ODAD2: variants seen among roughly 807,000 people sequenced by gnomAD.
ODAD2 encodes the protein outer dynein arm-docking complex subunit 2.
A neutral mutation model predicts 106.8 loss-of-function variants in ODAD2; 89 were observed. That is an observed-to-expected ratio of 0.83 (90% confidence interval 0.70 to 0.99). The LOEUF (loss-of-function observed/expected upper bound fraction) is 0.99. ODAD2 is among the 50% of genes least tolerant of loss of function. The pLI, the probability that ODAD2 is intolerant of heterozygous loss-of-function variation, is 0.00. For missense variants in ODAD2, 1,168 were observed against 1,238.5 expected, an observed-to-expected ratio of 0.94 and a Z score of 0.85; for synonymous variants, 404 against 436.2, an observed-to-expected ratio of 0.93 and a Z score of 0.92.
At chr10:27,961,487 T>G in intron 10 of ODAD2, 81 bp downstream of exon 10, 1 of 1,345,382 alleles carries the variant, frequency 7.4e-7, no homozygotes, top group Non-Finnish European at 1.0e-6. Context: ...AAACGTAAAG[T>G]AAACTTGGAA....
At chr10:27,894,780 G>A (rs1048027653) in intron 17 of ODAD2, among the ~76,000 whole-genome samples, 3 of 151,294 alleles carry the variant, frequency 2.0e-5, no homozygotes, top group Admixed American at 6.6e-5. Context: ...TCCCCCAGCT[G>A]ACCTCAAAAT....
At chr10:27,955,390 C>A (rs751908696) in intron 10 of ODAD2, among the ~76,000 whole-genome samples, 1 of 152,100 alleles carries the variant, frequency 6.6e-6, no homozygotes, top group Non-Finnish European at 1.5e-5. Flanking sequence ...ACAGCAAGTT[C>A]TGCAGGCCTC....
Position 27,995,042 on chromosome 10 carries a change from A to ATTTC in ODAD2, c.97_100dup (p.Ile34ArgfsTer12). ...GATAAAACTCTCCACAAACACAATA[A>ATTTC]TTTCTTTCAATATCGCTTCATTTAG... On this transcript the variant is annotated frameshift_variant, in exon 2 of 20. Transcript: ENST00000305242. LOFTEE classifies it high-confidence loss of function. 6.2e-7 allele frequency: 1 copy of ATTTC among 1,614,178 alleles called. No individual in the cohort carries two copies. Among genetic ancestry groups the ATTTC allele is most frequent in the South Asian group, 1.1e-5 (1 of 91,086 alleles).
intron 19 of ODAD2, among the ~76,000 whole-genome samples, chr10:27,844,741 CA>C (rs1838592581): frequency 6.6e-6 from 1 of 152,166 alleles, no homozygotes; most frequent in Admixed American, 6.5e-5. Context: ...GCTGAAAAAA[CA>C]AAAACGATAT....
At chr10:27,895,641 T>C (rs1434565362) in intron 17 of ODAD2, among the ~76,000 whole-genome samples, 2 of 152,228 alleles carry the variant, frequency 1.3e-5, no homozygotes, top group African/African-American at 4.8e-5. Context: ...TTGGCCCTAC[T>C]AGTCACATTC....
At chr10:27,829,031 G>A (rs1837279289) in intron 19 of ODAD2, among the ~76,000 whole-genome samples, 1 of 151,876 alleles carries the variant, frequency 6.6e-6, no homozygotes, top group Admixed American at 6.6e-5. Context: ...TACATGATGG[G>A]ATATAGAATT....
At chr10:27,939,788 A>G in intron 14 of ODAD2, 109 bp downstream of exon 14, 1 of 503,966 alleles carries the variant, frequency 2.0e-6, no homozygotes, top group Non-Finnish European at 3.4e-6. Flanking sequence ...AAATAAATAA[A>G]ATGCAGATTC....
chr10:27,886,699 T>A (rs1241604838), intron 17 of ODAD2, among the ~76,000 whole-genome samples: 1 of 152,076 alleles, frequency 6.6e-6, no homozygotes, highest in Admixed American at 6.6e-5. Context: ...TGCATGTCAA[T>A]GAGTATGCAA....
intron 7 of ODAD2, among the ~76,000 whole-genome samples, chr10:27,971,943 GT>G (rs776211645): frequency 6.6e-6 from 1 of 152,140 alleles, no homozygotes; most frequent in Non-Finnish European, 1.5e-5. Context: ...TCAGTCAGGA[GT>G]AATACCATGC....
At chr10:27,815,479 A>T in intron 19 of ODAD2, among the ~76,000 whole-genome samples, 1 of 152,174 alleles carries the variant, frequency 6.6e-6, no homozygotes, top group East Asian at 1.9e-4. Context: ...CCTCTGAAAT[A>T]ACCCTCTCAG....
At chr10:27,976,824 A>G (rs1849219817) in intron 7 of ODAD2, among the ~76,000 whole-genome samples, 1 of 152,226 alleles carries the variant, frequency 6.6e-6, no homozygotes, top group African/African-American at 2.4e-5. Flanking sequence ...TGGAGGATTT[A>G]AAATAAACAA....
At position 27,907,724 on chromosome 10, in the gene ODAD2, G is replaced by A. The variant is rs1295384886; in HGVS notation, c.2549C>T (p.Pro850Leu). 1.2e-6 allele frequency: 2 copies of A among 1,613,856 alleles called. No homozygotes were observed. Among genetic ancestry groups the A allele is most frequent in the Non-Finnish European group, 1.7e-6 (2 of 1,179,878 alleles). ...TGCGCTGGCCTTCACGTCTGGGTGA[G>A]GATTTTTCAGCAGGGACCACAACAA... ...VRLLWSLLKN[P>L]HPDVKASAAW... The change falls in exon 17 of 20, where the codon CCT becomes CTT. Residue 850 changes from proline (P) to leucine (L), a missense_variant. Transcript: ENST00000305242.
At chr10:27,818,749 T>G (rs1302147574) in intron 19 of ODAD2, among the ~76,000 whole-genome samples, 1 of 152,180 alleles carries the variant, frequency 6.6e-6, no homozygotes, top group Non-Finnish European at 1.5e-5. Flanking sequence ...GTCCTTGGCC[T>G]CCCCGCTCAT....
chr10:27,836,530 C>T (rs1837903484), intron 19 of ODAD2, among the ~76,000 whole-genome samples: 1 of 152,088 alleles, frequency 6.6e-6, no homozygotes, highest in Non-Finnish European at 1.5e-5. Flanking sequence ...TTGCAAAACT[C>T]ATCTAAATTT....
At chr10:27,813,544 T>G (rs1164893349) in intron 19 of ODAD2, 1 of 152,202 alleles carries the variant, frequency 6.6e-6, no homozygotes, top group Non-Finnish European at 1.5e-5. Context: ...TGGTAAAAGA[T>G]TTTTTAAAAG....
At chr10:27,859,366 T>A (rs1191632946) in intron 19 of ODAD2, among the ~76,000 whole-genome samples, 1 of 152,208 alleles carries the variant, frequency 6.6e-6, no homozygotes, top group East Asian at 1.9e-4. Flanking sequence ...CAAACATATA[T>A]TGAGTTTAAT....
chr10:27,868,553 C>G (rs1044228280), intron 17 of ODAD2, among the ~76,000 whole-genome samples: 5 of 152,050 alleles, frequency 3.3e-5, no homozygotes, highest in African/African-American at 1.2e-4. Context: ...AAGCTGTAAG[C>G]CATCATCCTC....
chr10:27,902,342 C>A (rs957042954), intron 17 of ODAD2, among the ~76,000 whole-genome samples: 2 of 151,032 alleles, frequency 1.3e-5, no homozygotes, highest in Non-Finnish European at 3.0e-5. Flanking sequence ...TAAATGCCCA[C>A]AAGAAAAGAT....
chr10:27,818,502 G>C (rs1836322014), intron 19 of ODAD2, among the ~76,000 whole-genome samples: 1 of 152,072 alleles, frequency 6.6e-6, no homozygotes. Context: ...TGTTATTACA[G>C]CCAGGTCATC....
Sources: allele counts gnomAD v4.1 joint callset (sites outside exome capture counted in the v4.1 genomes callset), GRCh38; gene constraint gnomAD v4.1.1; transcripts MANE v1.5; gene names NCBI Gene and HGNC (gene_info 2026-07-23, HGNC 2026-07-21).